PLEKHS1: variants seen among roughly 807,000 people sequenced by gnomAD.
PLEKHS1 encodes pleckstrin homology domain containing S1.
A neutral mutation model predicts 51.0 loss-of-function variants in PLEKHS1; 55 were observed. The ratio of observed to expected loss-of-function variants is 1.08; its 90% CI spans 0.87 to 1.35. The LOEUF (loss-of-function observed/expected upper bound fraction) is 1.35, where lower values mean the gene tolerates loss of function less well. Among genes scored for constraint, PLEKHS1 ranks in the 40% most tolerant of loss-of-function variants. The pLI is 0.00. For missense variants in PLEKHS1, 398 were observed against 423.0 expected (o/e 0.94, Z 0.52); for synonymous variants, 153 against 144.8 (o/e 1.06, Z -0.41).
chr10:113,767,354 T>C (rs755681942), exon 5 of PLEKHS1: 15 of 1,605,440 alleles, frequency 9.3e-6, no homozygotes, highest in South Asian at 1.1e-5. Context: ...GAAATTCCAG[T>C]GTAGAAGTTG....
intron 8 of PLEKHS1, among the ~76,000 whole-genome samples, chr10:113,773,089 A>G (rs1363560091): frequency 6.6e-6 from 1 of 152,214 alleles, no homozygotes; most frequent in Non-Finnish European, 1.5e-5. Flanking sequence ...TGTTTATATA[A>G]AAGAAACATT....
intron 1 of PLEKHS1, among the ~76,000 whole-genome samples, chr10:113,755,022 C>T (rs189856442): frequency 5.9e-5 from 9 of 152,290 alleles, no homozygotes; most frequent in Admixed American, 2.6e-4. Context: ...ACAACACCTC[C>T]GCAGAACCAC....
At chr10:113,756,368 G>A (rs1854114068) in intron 2 of PLEKHS1, among the ~76,000 whole-genome samples, 1 of 152,150 alleles carries the variant, frequency 6.6e-6, no homozygotes, top group Non-Finnish European at 1.5e-5. Context: ...GGCTGAGGCA[G>A]GAGAACCGCT....
intron 6 of PLEKHS1, 68 bp downstream of exon 6, chr10:113,768,958 G>A: frequency 2.4e-6 from 3 of 1,252,312 alleles, no homozygotes; most frequent in Non-Finnish European, 3.3e-6. Context: ...GAAAACAATG[G>A]TAGCTTTCCT....
chr10:113,765,189 G>T, intron 2 of PLEKHS1: 1 of 468,292 alleles, frequency 2.1e-6, no homozygotes, highest in Non-Finnish European at 3.9e-6. Flanking sequence ...TGAATCTTGA[G>T]CTTTGTTCTG....
rs150104584 is a variant in PLEKHS1 at position 113,774,468 on chromosome 10, C to T, written c.779+135C>T. On this transcript the variant is annotated intron_variant, in intron 9 of 11. Transcript: ENST00000361048. ...GACCAGTTTCCACATATTATTCAGTCGTCTCAACACACAAAAAATGAGGGA... is the reference window on the plus strand; with the variant it reads ...GACCAGTTTCCACATATTATTCAGTTGTCTCAACACACAAAAAATGAGGGA... 1.2e-4 allele frequency: 75 copies of T among 613,328 alleles called. No homozygotes were observed. The African/African-American group carries it at 1.3e-3, about 11-fold the overall frequency. 38.0% of individuals were successfully genotyped at this position (613,328 alleles called of 1,614,324 possible).
At chr10:113,777,364 C>T (rs1291782332) in intron 11 of PLEKHS1, 105 bp downstream of exon 12, 2 of 1,608,526 alleles carry the variant, frequency 1.2e-6, no homozygotes, top group Non-Finnish European at 1.7e-6. Flanking sequence ...AAATAAGGTT[C>T]CTCATTCTTC....
At chr10:113,758,791 C>G (rs941943914) in intron 2 of PLEKHS1, among the ~76,000 whole-genome samples, 3 of 152,214 alleles carry the variant, frequency 2.0e-5, no homozygotes, top group Non-Finnish European at 4.4e-5. Context: ...TTTTGAAGTT[C>G]ACCATCTTAT....
At chr10:113,761,082 C>G (rs114373085) in intron 2 of PLEKHS1, among the ~76,000 whole-genome samples, 16 of 152,238 alleles carry the variant, frequency 1.1e-4, no homozygotes, top group Non-Finnish European at 2.2e-4. Context: ...ATTGAATGGC[C>G]GTGACCACTA....
chr10:113,774,213 C>G lies in PLEKHS1; in HGVS notation c.673-14C>G. On this transcript the variant is annotated splice_polypyrimidine_tract_variant and intron_variant, in intron 8 of 11. Coordinates refer to ENST00000361048, the Ensembl canonical transcript of PLEKHS1. ...GTAAACTGGGATTCTTACATCTATTCCTTTTATCTGCAGTTGGATAATATC... is the reference window on the plus strand; with the variant it reads ...GTAAACTGGGATTCTTACATCTATTGCTTTTATCTGCAGTTGGATAATATC... 2 of 1,502,736 alleles carry G rather than the reference C, an allele frequency of 1.3e-6. No individual in the cohort carries two copies. Among genetic ancestry groups the G allele is most frequent in the South Asian group, 1.2e-5 (1 of 85,860 alleles). The allele number at this position is 1,502,736 out of a possible 1,614,324, so 93.1% of individuals were successfully genotyped here.
intron 11 of PLEKHS1, among the ~76,000 whole-genome samples, chr10:113,778,545 C>T (rs1462343782): frequency 1.3e-5 from 2 of 151,934 alleles, no homozygotes; most frequent in East Asian, 1.9e-4. Context: ...CCCTATTACT[C>T]ATTACCCTAA....
chr10:113,759,784 C>T (rs1238410611), intron 2 of PLEKHS1, among the ~76,000 whole-genome samples: 2 of 151,894 alleles, frequency 1.3e-5, no homozygotes, highest in Non-Finnish European at 1.5e-5. Context: ...TTTATTTTAC[C>T]TAGAATCAAA....
intron 6 of PLEKHS1, 147 bp downstream of exon 6, chr10:113,769,037 T>C (rs1374168878): frequency 7.4e-6 from 4 of 538,910 alleles, no homozygotes; most frequent in Non-Finnish European, 1.2e-5. Context: ...CTTATTACTT[T>C]TTATGATTAA....
chr10:113,765,378 A>G, intron 2 of PLEKHS1: 1 of 779,500 alleles, frequency 1.3e-6, no homozygotes, highest in South Asian at 1.3e-5. Flanking sequence ...AAGTTTTTCC[A>G]GTATGGCTGG....
exon 9 of PLEKHS1, chr10:113,774,250 T>G: frequency 6.2e-7 from 1 of 1,600,500 alleles, no homozygotes; most frequent in Non-Finnish European, 8.5e-7. Context: ...TTGCTTCCAG[T>G]GATTCTGGTG....
chr10:113,768,718 T>C, intron 5 of PLEKHS1, 97 bp from the exon 6 acceptor site: 1 of 963,020 alleles, frequency 1.0e-6, no homozygotes, highest in Non-Finnish European at 1.6e-6. Context: ...TGGTACCTGC[T>C]CTCACCACCA....
chr10:113,782,791 T>C (rs1844897449), downstream of PLEKHS1: 1 of 152,206 alleles, frequency 6.6e-6, no homozygotes, highest in Admixed American at 6.5e-5. Context: ...TTCTTATAAA[T>C]TACCTGGTCT....
At chr10:113,758,539 A>T (rs1593009135) in intron 2 of PLEKHS1, among the ~76,000 whole-genome samples, 1 of 152,216 alleles carries the variant, frequency 6.6e-6, no homozygotes, top group Non-Finnish European at 1.5e-5. Context: ...GCACTGATAG[A>T]GCACAAGTAG....
exon 11 of PLEKHS1, chr10:113,775,836 T>C: frequency 1.2e-6 from 2 of 1,612,968 alleles, no homozygotes; most frequent in Non-Finnish European, 1.7e-6. Context: ...ATCAACTATC[T>C]TGCTCTCACA....
Sources: allele counts gnomAD v4.1 joint callset (sites outside exome capture counted in the v4.1 genomes callset), GRCh38; gene constraint gnomAD v4.1.1; transcripts MANE v1.5; gene names NCBI Gene and HGNC (gene_info 2026-07-23, HGNC 2026-07-21).